The following MYH3 variants were observed in gnomAD, a reference collection of about 807,000 sequenced individuals.
The protein encoded by MYH3 is myosin heavy chain 3.
Under a neutral mutation model 238.0 loss-of-function variants are expected in MYH3, and 130 were observed. The ratio of observed to expected loss-of-function variants is 0.55; its 90% CI spans 0.47 to 0.63. The LOEUF is 0.63. Ranked by LOEUF, MYH3 falls within the 30% of genes least tolerant of loss-of-function variation. MYH3 has a pLI of 0.00. For synonymous variants in MYH3, 880 were observed against 924.1 expected, an observed-to-expected ratio of 0.95 and a Z score of 0.86; for missense variants, 1,853 against 2,374.9, an observed-to-expected ratio of 0.78 and a Z score of 4.57.
chr17:10,632,862 C>G (rs889618002), intron 33 of MYH3, 78 bp from the exon 34 acceptor site: 32 of 1,445,744 alleles, frequency 2.2e-5, no homozygotes, highest in Non-Finnish European at 3.0e-5. Flanking sequence ...GATAACAAAA[C>G]TTCAATGGAA....
rs767671171 is a variant in MYH3, at chr17:10,638,166, G to A, written c.3606C>T (p.Ala1202=). 7.4e-6 allele frequency: 12 copies of A among 1,613,640 alleles called. No homozygotes were observed. The highest frequency in any genetic ancestry group is 5.0e-5 in the Admixed American group (3 of 59,946). Residue 1202 remains alanine, a synonymous_variant, in exon 27 of 41, where the codon GCC becomes GCT. Transcript: ENST00000583535. ...GGTTGTCAATCTGCTCCCCAAGCTCGGCCACACTATCCGCATGCTTCTTCC... is the reference window on the plus strand; with the variant it reads ...GGTTGTCAATCTGCTCCCCAAGCTCAGCCACACTATCCGCATGCTTCTTCC... ...ALRKKHADSV[A]ELGEQIDNLQ... is the part of the protein sequence containing the mutation.
At chr17:10,666,968 CAT>C in the MYH3 span, among the ~76,000 whole-genome samples, 1 of 152,052 alleles carries the variant, frequency 6.6e-6, no homozygotes, top group Non-Finnish European at 1.5e-5. Context: ...GGGCTTTAAA[CAT>C]ATGAAAAATG....
At chr17:10,638,812 ACAG>A in intron 26 of MYH3, 58 bp downstream of exon 26, 1 of 1,531,230 alleles carries the variant, frequency 6.5e-7, no homozygotes, top group East Asian at 2.3e-5. Flanking sequence ...CTTATAGCAG[ACAG>A]CACCCAGCTC....
At position 10,640,674 on chromosome 17, in the gene MYH3, C is replaced by T. The variant is rs1301510060; in HGVS notation, c.2178G>A (p.Leu726=). 1.2e-6 allele frequency: 2 copies of T among 1,614,030 alleles called. No individual in the cohort carries two copies. Among genetic ancestry groups the T allele is most frequent in the African/African-American group, 2.7e-5 (2 of 74,942 alleles). The change falls in exon 20 of 41, where the codon CTG becomes CTA. Residue 726 remains leucine (L), a synonymous_variant. Coordinates refer to ENST00000583535, the MANE Select transcript of MYH3 (RefSeq NM_002470.4). ...GTCCCTCAGGGATTGCACTGGCATTCAGCACTCGGTATCTGCATTGTAGAC... is the reference window on the plus strand; with the variant it reads ...GTCCCTCAGGGATTGCACTGGCATTTAGCACTCGGTATCTGCATTGTAGAC... The part of the protein sequence containing the change: ...YGDFKQRYRV[L]NASAIPEGQF...
At chr17:10,638,457 G>A (rs1216893992) in intron 26 of MYH3, 25 bp from the exon 27 acceptor site, 14 of 1,599,440 alleles carry the variant, frequency 8.8e-6, no homozygotes, top group African/African-American at 2.7e-5. Context: ...CGTTCACCCC[G>A]TGGGCAGTGG....
chr17:10,678,355 T>C, the MYH3 span: 2 of 152,148 alleles, frequency 1.3e-5, no homozygotes, highest in Admixed American at 1.3e-4. Context: ...AGACGTCACC[T>C]CTAAGGTCCC....
intron 8 of MYH3, among the ~76,000 whole-genome samples, chr17:10,648,055 C>A (rs1217174073): frequency 1.3e-5 from 2 of 152,206 alleles, no homozygotes. Context: ...CAGTAGCTTC[C>A]TGTTACACTT....
At chr17:10,660,345 G>C (rs2074471369), upstream of MYH3, among the ~76,000 whole-genome samples, 1 of 152,186 alleles carries the variant, frequency 6.6e-6, no homozygotes. Flanking sequence ...ATGTCTTATT[G>C]AGATGGGGAG....
chr17:10,658,045 G>C (rs1281968568), upstream of MYH3, among the ~76,000 whole-genome samples: 1 of 152,128 alleles, frequency 6.6e-6, no homozygotes, highest in African/African-American at 2.4e-5. Flanking sequence ...ACAGCTGCCT[G>C]AGGACCTGTG....
Position 10,639,668 on chromosome 17 carries a change from G to A in MYH3, c.2817C>T (p.Ala939=). The A allele has an allele frequency of 1.2e-6, 2 of 1,613,854 alleles. No individual in the cohort carries two copies. The highest frequency in any genetic ancestry group is 2.2e-5 in the South Asian group (2 of 91,066). ...DEEEINAELT[A]KKRKLEDECS... ...ATTCATCCTCCAGTTTCCTCTTCTT[G>A]GCCGTCAGCTCAGCATTGATCTCCT... Residue 939 remains alanine, a synonymous_variant, in exon 23 of 41, where the codon GCC becomes GCT. Transcript: ENST00000583535.
Position 10,632,483 on chromosome 17 carries a change from T to C in MYH3, c.4949A>G (p.Gln1650Arg). 1 of 1,613,684 alleles carries C rather than the reference T, an allele frequency of 6.2e-7. No individual in the cohort carries two copies. Among genetic ancestry groups the C allele is most frequent in the Non-Finnish European group, 8.5e-7 (1 of 1,180,036 alleles). The change falls in exon 34 of 41, where the codon CAG (glutamine) becomes CGG (arginine). Residue 1650 changes from glutamine (Q) to arginine (R), a missense_variant. By Grantham distance (43) the Gln-to-Arg change is conservative (BLOSUM62 1). Around this residue, in one of 3 missense-constraint regions of MYH3, gnomAD observed 1,044 missense variants for 1,192.6 expected, o/e 0.88. Transcript: ENST00000583535. ...CGATGGGTTCTCTCAAACCTTCAGC[T>C]GTCCCTGGACACTCCTGAGGTGTTT... The part of the protein sequence containing the change: ...TLKHLRSVQG[Q>R]LKDTQLHLDD...
In MYH3 at chr17:10,629,479, T is replaced by C. The variant is rs562465234; in HGVS notation, c.5796+118A>G. 830 of 1,385,944 alleles carry C rather than the reference T, an allele frequency of 6.0e-4. 15 individuals are homozygous for C. The South Asian group carries it at 0.01, about 17-fold the overall frequency. The allele number at this position is 1,385,944 out of a possible 1,614,324, so 85.9% of individuals were successfully genotyped here. A position where few individuals can be genotyped will look rare whatever the true frequency, so the allele number is the denominator to read the frequency against. On this transcript the variant is annotated intron_variant, in intron 40 of 40. Transcript: ENST00000583535. ...CAGTCAGCTAAGTGACTTTAAGCACTTTCTCTTCCTGAGCCTGAGACTCCC... is the reference window on the plus strand; with the variant it reads ...CAGTCAGCTAAGTGACTTTAAGCACCTTCTCTTCCTGAGCCTGAGACTCCC...
At position 10,637,908 on chromosome 17, in the gene MYH3, G is replaced by C; in HGVS notation, c.3757C>G (p.Leu1253Val). The change falls in exon 28 of 41, where the codon CTG (leucine) becomes GTG (valine). Residue 1253 changes from leucine (L) to valine (V), a missense_variant. This residue lies in a region of MYH3 where 1,044 missense variants were observed against 1,192.6 expected (regional missense o/e 0.88). Transcript: ENST00000583535. ...KANLEKICRT[L>V]EDQLSEARGK... ...CTGGCCTCACTTAACTGATCCTCCA[G>C]GGTTCGGCAGATTTTTTCCAGATTT... 6.2e-7 allele frequency: 1 copy of C among 1,614,124 alleles called. No individual in the cohort carries two copies. The highest frequency in any genetic ancestry group is 8.5e-7 in the Non-Finnish European group (1 of 1,180,032).
At chr17:10,651,345 T>C (rs540180603) in intron 5 of MYH3, among the ~76,000 whole-genome samples, 167 bp downstream of exon 5, 1 of 152,230 alleles carries the variant, frequency 6.6e-6, no homozygotes, top group Admixed American at 6.5e-5. Flanking sequence ...CACCTTGGCA[T>C]GCGGGGCCCT....
the MYH3 span, among the ~76,000 whole-genome samples, chr17:10,667,530 A>T: frequency 6.6e-6 from 1 of 151,862 alleles, no homozygotes; most frequent in East Asian, 1.9e-4. Flanking sequence ...AAAATACAAA[A>T]ATTAGCCGGG....
At chr17:10,641,832 G>C (rs568877495) in intron 17 of MYH3, among the ~76,000 whole-genome samples, 14 of 152,110 alleles carry the variant, frequency 9.2e-5, no homozygotes, top group Non-Finnish European at 2.1e-4. Context: ...GCTTTCAATG[G>C]TCCTATGGCT....
At chr17:10,672,120 G>A in the MYH3 span, among the ~76,000 whole-genome samples, 1 of 152,180 alleles carries the variant, frequency 6.6e-6, no homozygotes, top group African/African-American at 2.4e-5. Flanking sequence ...AAGAAAGGGA[G>A]GAGGCAGTGG....
the MYH3 span, among the ~76,000 whole-genome samples, chr17:10,670,604 C>T: frequency 6.6e-6 from 1 of 152,054 alleles, no homozygotes; most frequent in South Asian, 2.1e-4. The surrounding 1 kb of genome is among the most constrained non-coding windows in gnomAD (Gnocchi z 7.0). Flanking sequence ...CCACAGTGCC[C>T]AATTAATAAT....
At chr17:10,652,376 A>AT (rs772463697) in intron 4 of MYH3, 44 bp downstream of exon 4, 5 of 1,608,494 alleles carry the variant, frequency 3.1e-6, no homozygotes, top group Non-Finnish European at 4.2e-6. Context: ...CCCTGCCCGC[A>AT]TATCTAATGC....
Sources: allele counts gnomAD v4.1 joint callset (sites outside exome capture counted in the v4.1 genomes callset), GRCh38; gene constraint gnomAD v4.1.1; regional missense constraint gnomAD v4.1.1; non-coding constraint Gnocchi (gnomAD v3.1); transcripts MANE v1.5; gene names NCBI Gene and HGNC (gene_info 2026-07-23, HGNC 2026-07-21).